Variants in MACF1 observed in about 807,000 individuals in gnomAD.
MACF1 encodes the protein microtubule actin crosslinking factor 1.
In MACF1, 193 loss-of-function variants were observed where a neutral mutation model predicts 854.8. That is an observed-to-expected ratio of 0.23 (90% CI 0.20 to 0.25). The LOEUF is 0.25. Ranked by LOEUF, MACF1 falls within the 10% of genes least tolerant of loss-of-function variation. The probability of loss-of-function intolerance (pLI) is 1.00; values close to 1 mark genes in which losing one functional copy is unlikely to be tolerated. For synonymous variants in MACF1, 3,185 were observed against 3,226.7 expected (o/e 0.99, Z 0.44); for missense variants, 7,722 against 8,929.1 (o/e 0.86, Z 5.45).
intron 52 of MACF1, 152 bp downstream of exon 52, chr1:39,372,748 G>A: frequency 1.6e-6 from 1 of 625,754 alleles, no homozygotes; most frequent in Non-Finnish European, 2.9e-6. Context: ...AACCTGACCT[G>A]TCACCCCTTT....
At chr1:39,182,150 TAAAA>T (rs35203410) in intron 2 of MACF1, among the ~76,000 whole-genome samples, 2 of 122,318 alleles carry the variant, frequency 1.6e-5, no homozygotes, top group African/African-American at 3.0e-5. Context: ...GACTCCACCT[TAAAA>T]AAAAAAAAAA....
intron 22 of MACF1, among the ~76,000 whole-genome samples, chr1:39,301,981 C>CTATTTATTTATTTATTTATTTATTTATT (rs139531559): frequency 1.6e-4 from 24 of 150,998 alleles, no homozygotes; most frequent in South Asian, 1.0e-3. Context: ...ACCACTGTAC[C>CTATTTATTTATTTATTTATTTATTTATT]TATTTATTTA....
intron 23 of MACF1, chr1:39,304,495 T>A: frequency 2.1e-6 from 3 of 1,429,970 alleles, no homozygotes; most frequent in Non-Finnish European, 1.9e-6. Context: ...TTCCTTGAGA[T>A]TTTTCTGGAA....
intron 2 of MACF1, among the ~76,000 whole-genome samples, chr1:39,120,652 A>C (rs368240887): frequency 1.2e-4 from 18 of 152,096 alleles, no homozygotes; most frequent in African/African-American, 4.3e-4. Flanking sequence ...GTGAGCCACC[A>C]CACCCGGCCA....
chr1:39,138,720 A>G (rs1274115639), intron 2 of MACF1, among the ~76,000 whole-genome samples: 2 of 151,876 alleles, frequency 1.3e-5, no homozygotes, highest in Non-Finnish European at 2.9e-5. Context: ...GCTGTAGTGC[A>G]ATGGCGCAAT....
chr1:39,477,094 C>CTTAGTGTATATATATATATATATATAT (rs1557675129), intron 97 of MACF1, among the ~76,000 whole-genome samples: 3 of 78,816 alleles, frequency 3.8e-5, no homozygotes, highest in African/African-American at 2.1e-4. Flanking sequence ...TATATATACA[C>CTTAGTGTATATATATATATATATATAT]ACACACACAT....
At chr1:39,427,708 T>A (rs1643770586) in intron 62 of MACF1, 94 bp downstream of exon 62, 4 of 1,303,844 alleles carry the variant, frequency 3.1e-6, no homozygotes, top group African/African-American at 1.5e-5. Flanking sequence ...GGATGTGTGT[T>A]TTGTGGGTTT....
intron 2 of MACF1, among the ~76,000 whole-genome samples, chr1:39,145,997 A>G (rs1643455374): frequency 1.3e-5 from 2 of 152,246 alleles, no homozygotes; most frequent in African/African-American, 4.8e-5. Flanking sequence ...GAGCTACCAT[A>G]CAGTCCAGTA....
chr1:39,375,262 G>A (rs2148545655), intron 52 of MACF1, among the ~76,000 whole-genome samples: 1 of 152,040 alleles, frequency 6.6e-6, no homozygotes, highest in African/African-American at 2.4e-5. Flanking sequence ...ATTTGAAAAG[G>A]AAGATTATTG....
intron 58 of MACF1, among the ~76,000 whole-genome samples, chr1:39,404,363 T>C (rs1431203361): frequency 6.6e-6 from 1 of 151,528 alleles, no homozygotes; most frequent in Admixed American, 6.6e-5. Context: ...CCCAGCTACT[T>C]GGGAGGCTGA....
At chr1:39,177,681 A>G (rs1644049201) in intron 2 of MACF1, among the ~76,000 whole-genome samples, 1 of 152,048 alleles carries the variant, frequency 6.6e-6, no homozygotes, top group African/African-American at 2.4e-5. Flanking sequence ...TTGATAATAT[A>G]ACCATCTTTC....
chr1:39,178,386 A>G (rs1318305687), intron 2 of MACF1, among the ~76,000 whole-genome samples: 5 of 152,130 alleles, frequency 3.3e-5, no homozygotes, highest in African/African-American at 1.2e-4. Flanking sequence ...AAATACAGGT[A>G]GTTTGTAAGT....
intron 58 of MACF1, chr1:39,410,300 G>A (rs1434444346): frequency 3.7e-6 from 6 of 1,611,146 alleles, no homozygotes; most frequent in African/African-American, 1.3e-5. Context: ...GACTGTTTAA[G>A]GCGGAACCCC....
At chr1:39,416,231 G>T (rs2148625205) in intron 58 of MACF1, among the ~76,000 whole-genome samples, 1 of 152,236 alleles carries the variant, frequency 6.6e-6, no homozygotes, top group East Asian at 1.9e-4. Context: ...CATCATCTTT[G>T]AGACTGATGG....
At chr1:39,136,906 AACTTTT>A (rs760220233) in intron 2 of MACF1, among the ~76,000 whole-genome samples, 90 of 152,248 alleles carry the variant, frequency 5.9e-4, no homozygotes, top group Admixed American at 5.2e-4. Flanking sequence ...TTTGAAGTTT[AACTTTT>A]ACTTGTTTCT....
chr1:39,354,395 C>A (rs868287546), intron 44 of MACF1, among the ~76,000 whole-genome samples: 10 of 151,994 alleles, frequency 6.6e-5, no homozygotes, highest in South Asian at 2.1e-4. Flanking sequence ...TCTTTCTTTT[C>A]TTTTATTTAT....
intron 2 of MACF1, among the ~76,000 whole-genome samples, chr1:39,190,512 T>C (rs750702083): frequency 6.6e-6 from 1 of 151,152 alleles, no homozygotes; most frequent in Non-Finnish European, 1.5e-5. Flanking sequence ...TAACTTATTG[T>C]ATTTTTTCAT....
intron 95 of MACF1, among the ~76,000 whole-genome samples, chr1:39,467,237 C>T (rs1644688632): frequency 6.6e-6 from 1 of 152,032 alleles, no homozygotes; most frequent in African/African-American, 2.4e-5. Context: ...TGGTGGCGGG[C>T]GCCTGTAGTC....
In MACF1 at chr1:39,182,287, A is replaced by G. The variant is rs530528716; in HGVS notation, c.221-48895A>G. Reference sequence around the variant, plus strand: ...GAAAACTTAGGGGTAAATCTTTGTGACCTTGGATTAGGTAGTGGTTTCTTG... The same window carrying G: ...GAAAACTTAGGGGTAAATCTTTGTGGCCTTGGATTAGGTAGTGGTTTCTTG... On this transcript the variant is annotated intron_variant, in intron 2 of 93. Coordinates refer to the MACF1 transcript ENST00000361689. Among the ~76,000 whole-genome samples, 6 of 152,242 alleles carry G rather than the reference A, an allele frequency of 3.9e-5. No individual in the cohort carries two copies. The South Asian group carries it at 8.3e-4, about 21-fold the overall frequency.
Sources: gnomAD v4.1 joint callset for allele counts (sites outside exome capture counted in the v4.1 genomes callset) on GRCh38, gnomAD v4.1.1 for gene constraint, MANE v1.5 for transcripts, NCBI Gene and HGNC (gene_info 2026-07-23, HGNC 2026-07-21) for gene names.